The following MACROD2 variants were observed in gnomAD, a reference collection of about 807,000 sequenced individuals.
The protein encoded by MACROD2 is mono-ADP ribosylhydrolase 2.
A neutral mutation model predicts 70.4 loss-of-function variants in MACROD2; 36 were observed. That is an observed-to-expected ratio of 0.51 (90% CI 0.39 to 0.68). The LOEUF (loss-of-function observed/expected upper bound fraction) is 0.68, where lower values mean the gene tolerates loss of function less well. MACROD2 is among the 30% of genes least tolerant of loss of function. The probability of loss-of-function intolerance (pLI) is 0.00; values close to 1 mark genes in which losing one functional copy is unlikely to be tolerated. For missense variants in MACROD2, 496 were observed against 538.4 expected, an observed-to-expected ratio of 0.92 and a Z score of 0.78; for synonymous variants, 172 against 178.8, an observed-to-expected ratio of 0.96 and a Z score of 0.30.
rs577033180 is a variant in MACROD2, at chr20:15,379,209, C to T, written c.541-52196C>T. On this transcript the variant is annotated intron_variant, in intron 6 of 17. Transcript: ENST00000684519. ...TAGTTGCTATAATGTTTATAAATTA[C>T]ACAACACCTAAAGTTTAGGAAGTGG... Among the ~76,000 whole-genome samples, 8 of 152,202 alleles carry T rather than the reference C, an allele frequency of 5.3e-5. No homozygotes were observed. In the East Asian group the frequency reaches 1.5e-3, roughly 29 times the overall value.
chr20:15,310,052 T>G (rs2146144851), intron 6 of MACROD2, among the ~76,000 whole-genome samples: 1 of 152,264 alleles, frequency 6.6e-6, no homozygotes, highest in Admixed American at 6.5e-5. Context: ...TTTACTAGCA[T>G]AGTATGGCCA....
chr20:15,076,429 A>G (rs2075658695), intron 5 of MACROD2, among the ~76,000 whole-genome samples: 1 of 152,162 alleles, frequency 6.6e-6, no homozygotes, highest in African/African-American at 2.4e-5. Flanking sequence ...AACTGTATGA[A>G]TAGTTTTAAT....
At chr20:15,632,749 ATTAT>A (rs1263886542) in intron 8 of MACROD2, among the ~76,000 whole-genome samples, 2 of 152,010 alleles carry the variant, frequency 1.3e-5, no homozygotes, top group Non-Finnish European at 2.9e-5. Context: ...AAACAACACG[ATTAT>A]TTATTTATCT....
chr20:14,166,064 T>C (rs1351831993), intron 3 of MACROD2, among the ~76,000 whole-genome samples: 1 of 152,206 alleles, frequency 6.6e-6, no homozygotes, highest in Non-Finnish European at 1.5e-5. Context: ...TTTTTGCTTA[T>C]TAATAAATAA....
chr20:15,112,170 AG>A (rs1954433807), intron 5 of MACROD2, among the ~76,000 whole-genome samples: 1 of 152,206 alleles, frequency 6.6e-6, no homozygotes, highest in Non-Finnish European at 1.5e-5. Context: ...AGACCCTGAC[AG>A]GATTTCTCTT....
intron 8 of MACROD2, among the ~76,000 whole-genome samples, chr20:15,724,359 C>T (rs2050831242): frequency 6.6e-6 from 1 of 152,138 alleles, no homozygotes; most frequent in Non-Finnish European, 1.5e-5. Context: ...CCAAGGTCAT[C>T]TATGTTTTCT....
intron 6 of MACROD2, chr20:15,280,769 G>A (rs527640541): frequency 1.3e-5 from 2 of 152,268 alleles, no homozygotes; most frequent in Admixed American, 1.3e-4. Context: ...ATCCCATTCA[G>A]ATTTTTCCTA....
intron 5 of MACROD2, among the ~76,000 whole-genome samples, chr20:14,988,501 A>G (rs2074870634): frequency 6.6e-6 from 1 of 152,160 alleles, no homozygotes; most frequent in Non-Finnish European, 1.5e-5. Context: ...ACTCTCTTAC[A>G]GATTGTCTTC....
chr20:14,570,916 T>A lies in MACROD2; in HGVS notation c.301+77408T>A, dbSNP rs1010079646. On this transcript the variant is annotated intron_variant, in intron 4 of 17. Transcript: ENST00000684519. ...CAGCCAAGAATGATGTAGCCTGGTT[T>A]ATTCCTACTTCTCCTTCATCTACCC... is the stretch of plus-strand genomic sequence containing the variant. 1.1e-4 allele frequency among the ~76,000 whole-genome samples: 17 copies of A among 152,150 alleles called. No individual in the cohort carries two copies. In the South Asian group the frequency reaches 2.9e-3, roughly 26 times the overall value.
At chr20:15,181,860 A>G (rs549560155) in intron 5 of MACROD2, among the ~76,000 whole-genome samples, 1 of 152,224 alleles carries the variant, frequency 6.6e-6, no homozygotes, top group Non-Finnish European at 1.5e-5. Context: ...ATTTGCAGTT[A>G]GTTATGCCTT....
chr20:14,888,144 C>T (rs1459949398), intron 5 of MACROD2: 1 of 152,164 alleles, frequency 6.6e-6, no homozygotes, highest in Non-Finnish European at 1.5e-5. Context: ...TCCATCTAGA[C>T]ACGCTGTTAT....
At chr20:14,143,357 T>TG (rs1170121802) in intron 3 of MACROD2, among the ~76,000 whole-genome samples, 2 of 152,198 alleles carry the variant, frequency 1.3e-5, no homozygotes, top group African/African-American at 4.8e-5. Flanking sequence ...GCAAACAGTG[T>TG]TTGTGTAACC....
At chr20:15,249,632 T>C (rs2077136984) in intron 6 of MACROD2, among the ~76,000 whole-genome samples, 1 of 152,230 alleles carries the variant, frequency 6.6e-6, no homozygotes, top group African/African-American at 2.4e-5. Context: ...TTCTTTAACA[T>C]TTGTTGGGCA....
intron 4 of MACROD2, among the ~76,000 whole-genome samples, chr20:14,530,941 C>A (rs1364880996): frequency 7.9e-5 from 12 of 152,202 alleles, no homozygotes; most frequent in African/African-American, 2.9e-4. Flanking sequence ...TGTTAATAAT[C>A]TGTTAGTCAC....
intron 7 of MACROD2, among the ~76,000 whole-genome samples, chr20:15,490,629 G>A (rs150070930): frequency 7.9e-5 from 12 of 152,188 alleles, no homozygotes; most frequent in African/African-American, 2.6e-4. Context: ...AGGTCATGGG[G>A]GCGACGAAGT....
At chr20:14,920,953 T>A (rs2074155457) in intron 5 of MACROD2, among the ~76,000 whole-genome samples, 1 of 152,144 alleles carries the variant, frequency 6.6e-6, no homozygotes, top group African/African-American at 2.4e-5. Context: ...CTTCAAAATG[T>A]TTAAGGAATT....
At chr20:16,049,761 T>A in intron 17 of MACROD2, 69 bp from the exon 18 acceptor site, 1 of 1,526,872 alleles carries the variant, frequency 6.5e-7, no homozygotes, top group East Asian at 2.3e-5. Flanking sequence ...GTATTAAAAA[T>A]GTATTCCTTG....
intron 8 of MACROD2, among the ~76,000 whole-genome samples, chr20:15,572,033 A>G (rs1419702010): frequency 6.6e-6 from 1 of 152,176 alleles, no homozygotes; most frequent in Non-Finnish European, 1.5e-5. Context: ...AACTTTGAGA[A>G]ATGTGTTCTT....
At chr20:15,150,829 C>A (rs2076264062) in intron 5 of MACROD2, among the ~76,000 whole-genome samples, 1 of 151,834 alleles carries the variant, frequency 6.6e-6, no homozygotes, top group Non-Finnish European at 1.5e-5. Context: ...GTGGGGATAA[C>A]TAAAAAGGAG....
Sources: allele counts gnomAD v4.1 joint callset (sites outside exome capture counted in the v4.1 genomes callset), GRCh38; gene constraint gnomAD v4.1.1; transcripts MANE v1.5; gene names NCBI Gene and HGNC (gene_info 2026-07-23, HGNC 2026-07-21).